The following ANO4 variants were observed in gnomAD, a reference collection of about 807,000 sequenced individuals.
ANO4 encodes anoctamin-4.
In ANO4, 69 loss-of-function variants were observed where a neutral mutation model predicts 141.9. The ratio of observed to expected loss-of-function variants is 0.49; its 90% confidence interval spans 0.40 to 0.59. ANO4 has a LOEUF of 0.59. Among genes scored for constraint, ANO4 ranks in the 20% least tolerant of loss-of-function variants. The pLI is 0.00. For missense variants in ANO4, 894 were observed against 1,162.2 expected (o/e 0.77, Z 3.36); for synonymous variants, 350 against 394.3 (o/e 0.89, Z 1.33).
intron 8 of ANO4, among the ~76,000 whole-genome samples, chr12:101,015,420 T>A (rs992958799): frequency 2.2e-4 from 23 of 106,574 alleles, no homozygotes; most frequent in African/African-American, 7.9e-4. Context: ...GAGATTTTTT[T>A]AGATCTACAC....
At chr12:101,003,913 C>T (rs2045760933) in intron 8 of ANO4, among the ~76,000 whole-genome samples, 1 of 152,054 alleles carries the variant, frequency 6.6e-6, no homozygotes. Flanking sequence ...GTAGAAATCA[C>T]ACTTGAAACT....
intron 3 of ANO4, among the ~76,000 whole-genome samples, chr12:100,759,589 T>A (rs2032770877): frequency 6.6e-6 from 1 of 152,212 alleles, no homozygotes; most frequent in African/African-American, 2.4e-5. Context: ...GGAGCTATGC[T>A]GCTTCCTTCA....
chr12:101,006,423 T>A (rs942327965), intron 8 of ANO4, among the ~76,000 whole-genome samples: 2 of 152,258 alleles, frequency 1.3e-5, no homozygotes, highest in African/African-American at 4.8e-5. Context: ...TTAAGACCTG[T>A]CCTATTGGAC....
chr12:100,998,080 AAATAGATT>A (rs2045469664), intron 8 of ANO4, among the ~76,000 whole-genome samples: 1 of 152,212 alleles, frequency 6.6e-6, no homozygotes, highest in Admixed American at 6.5e-5. Flanking sequence ...TGTGAGGCCA[AAATAGATT>A]AACATTTGAG....
At chr12:100,738,483 A>C (rs2031705658) in intron 2 of ANO4, among the ~76,000 whole-genome samples, 1 of 152,184 alleles carries the variant, frequency 6.6e-6, no homozygotes, top group Non-Finnish European at 1.5e-5. Context: ...TTTCCTAAAC[A>C]AAAAAGACTT....
At chr12:100,988,613 C>A (rs1230624522) in intron 8 of ANO4, among the ~76,000 whole-genome samples, 1 of 144,798 alleles carries the variant, frequency 6.9e-6, no homozygotes, top group Non-Finnish European at 1.5e-5. Flanking sequence ...TGGCTCACAT[C>A]TGTAATACCT....
upstream of ANO4, chr12:100,794,503 T>C (rs1438497993): frequency 1.3e-5 from 2 of 152,262 alleles, no homozygotes; most frequent in South Asian, 2.1e-4. Flanking sequence ...GTCCTGCCGC[T>C]CTCAGAACTG....
In ANO4 at chr12:100,939,469, C is replaced by G. The variant is rs931134300; in HGVS notation, c.297+18C>G. The G allele has an allele frequency of 6.2e-7, 1 of 1,608,990 alleles. No homozygotes were observed. The highest frequency in any genetic ancestry group is 1.7e-5 in the Admixed American group (1 of 59,630). On this transcript the variant is annotated intron_variant, in intron 4 of 27. Coordinates refer to ENST00000392977, the MANE Select transcript of ANO4 (RefSeq NM_001286615.2). ...GGGGAGAGGTAAGAGTATATGATTT[C>G]TTACAAATGTAATTCGTGATCCAGG...
intron 4 of ANO4, 70 bp downstream of exon 4, chr12:100,939,521 G>C: frequency 6.5e-7 from 1 of 1,544,516 alleles, no homozygotes; most frequent in Non-Finnish European, 8.8e-7. Context: ...ATGTTCCAAT[G>C]GACTGTTTAA....
intron 1 of ANO4, among the ~76,000 whole-genome samples, chr12:100,798,739 T>A (rs535046206): frequency 5.3e-5 from 8 of 152,360 alleles, no homozygotes; most frequent in African/African-American, 1.9e-4. Flanking sequence ...GGGAACATTC[T>A]TCCTATGTTT....
intron 8 of ANO4, among the ~76,000 whole-genome samples, chr12:101,009,472 G>A (rs553315656): frequency 6.6e-6 from 1 of 152,106 alleles, no homozygotes; most frequent in East Asian, 1.9e-4. Flanking sequence ...ATGATAGTTG[G>A]GCTAGGTATA....
chr12:101,067,326 T>C (rs112995716), intron 14 of ANO4, among the ~76,000 whole-genome samples: 1 of 152,234 alleles, frequency 6.6e-6, no homozygotes, highest in African/African-American at 2.4e-5. Context: ...TTCTCTGGTA[T>C]GTTCTTTCCA....
intron 8 of ANO4, among the ~76,000 whole-genome samples, chr12:100,996,342 C>T (rs78351347): frequency 0.02 from 3,112 of 152,210 alleles, 126 homozygotes; most frequent in African/African-American, 0.071. Context: ...TAAGAAAAAG[C>T]GCTAACAATG....
chr12:101,037,055 A>G (rs2047227019), intron 9 of ANO4, 40 bp from the exon 10 acceptor site: 3 of 1,593,014 alleles, frequency 1.9e-6, no homozygotes, highest in Non-Finnish European at 2.6e-6. Context: ...TGAGTATTCA[A>G]ACTCTGTATT....
intron 1 of ANO4, among the ~76,000 whole-genome samples, chr12:100,725,715 AAAC>A (rs2031087423): frequency 1.3e-5 from 2 of 152,216 alleles, no homozygotes; most frequent in African/African-American, 4.8e-5. Flanking sequence ...CATAGTTTAT[AAAC>A]AATAATCAAG....
intron 1 of ANO4, among the ~76,000 whole-genome samples, chr12:100,730,605 C>G (rs748921428): frequency 6.6e-6 from 1 of 152,168 alleles, no homozygotes; most frequent in African/African-American, 2.4e-5. Context: ...AGCCACAGCA[C>G]TAAACTCTGG....
intron 7 of ANO4, among the ~76,000 whole-genome samples, chr12:100,979,895 C>CTTTTTTTTTTTTTTTTT (rs71091474): frequency 1.8e-4 from 22 of 119,404 alleles, no homozygotes; most frequent in Non-Finnish European, 2.1e-4. Context: ...GCCCAGCTGA[C>CTTTTTTTTTTTTTTTTT]TTTTTTTTTT....
chr12:101,101,425 GTTTGTC>G (rs1173721345), intron 22 of ANO4, among the ~76,000 whole-genome samples: 13 of 152,106 alleles, frequency 8.5e-5, no homozygotes, highest in African/African-American at 3.1e-4. Context: ...TGAAACAGGA[GTTTGTC>G]TTTGACACCC....
chr12:101,100,770 C>A (rs920628109), intron 22 of ANO4, among the ~76,000 whole-genome samples: 1 of 152,152 alleles, frequency 6.6e-6, no homozygotes, highest in Admixed American at 6.5e-5. Flanking sequence ...CACTTCTGTT[C>A]TTTTGTTTTT....
Sources: gnomAD v4.1 joint callset for allele counts (sites outside exome capture counted in the v4.1 genomes callset) on GRCh38, gnomAD v4.1.1 for gene constraint, MANE v1.5 for transcripts, NCBI Gene and HGNC (gene_info 2026-07-23, HGNC 2026-07-21) for gene names.